IDUA: variants seen among roughly 807,000 people sequenced by gnomAD.
IDUA encodes the protein alpha-L-iduronidase.
Under a neutral mutation model 68.9 loss-of-function variants are expected in IDUA, and 65 were observed. That is an observed-to-expected ratio of 0.94 (90% CI 0.77 to 1.16). IDUA has a LOEUF of 1.16. Ranked by LOEUF, IDUA falls within the 50% of genes most tolerant of loss-of-function variation. The pLI is 0.00. For missense variants in IDUA, 1,046 were observed against 938.0 expected (o/e 1.12, Z -1.50); for synonymous variants, 529 against 433.6 (o/e 1.22, Z -2.73).
At chr4:1,003,192 G>A (rs1392140385) in intron 10 of IDUA, 35 bp downstream of exon 10, 2 of 1,312,812 alleles carry the variant, frequency 1.5e-6, no homozygotes, top group Non-Finnish European at 1.9e-6. Flanking sequence ...GGGCCGGGCC[G>A]GGCCGGGGTC....
At chr4:988,574 G>A (rs887304092) in intron 2 of IDUA, 10 of 1,326,878 alleles carry the variant, frequency 7.5e-6, no homozygotes, top group African/African-American at 7.5e-5. Context: ...GCTGAGGGAC[G>A]GTGCATTGGG....
chr4:992,575 G>GTTTTTT, intron 2 of IDUA: 1 of 216,026 alleles, frequency 4.6e-6, no homozygotes, highest in Non-Finnish European at 9.4e-6. Flanking sequence ...TGCCCAGACA[G>GTTTTTT]TTCTGGGACG....
intron 8 of IDUA, 31 bp downstream of exon 8, chr4:1,002,516 A>G (rs769145066): frequency 1.4e-6 from 2 of 1,465,632 alleles, no homozygotes; most frequent in Admixed American, 2.4e-5. Flanking sequence ...TGGGCCGGCC[A>G]GGGCCCTCCA....
Position 1,004,445 on chromosome 4 carries a change from G to A in IDUA, c.*52G>A. On this transcript the variant is annotated 3_prime_UTR_variant, in exon 14 of 14. Coordinates refer to ENST00000514224, the MANE Select transcript of IDUA (RefSeq NM_000203.5). The surrounding 1 kb of genome is among the most constrained non-coding windows in gnomAD (Gnocchi z 5.0). ...ACCTCCACCGGCAGTCAGCGAGCTG[G>A]GGCTGCACTGTGCCCATGCTGCCCT... is the stretch of plus-strand genomic sequence containing the variant. The A allele has an allele frequency of 3.8e-6, 6 of 1,592,950 alleles. No homozygotes were observed. The highest frequency in any genetic ancestry group is 5.1e-6 in the Non-Finnish European group (6 of 1,169,468).
At chr4:1,000,388 T>C (rs1715000602) in intron 2 of IDUA, among the ~76,000 whole-genome samples, 1 of 152,180 alleles carries the variant, frequency 6.6e-6, no homozygotes, top group Non-Finnish European at 1.5e-5. Context: ...GTTTTCCATC[T>C]CTTGATGGTG....
Position 993,573 on chromosome 4 carries a change from C to T in IDUA, c.299+5624C>T, listed in dbSNP as rs1419730025. 2.6e-5 allele frequency: 4 copies of T among 152,390 alleles called. No individual in the cohort carries two copies. The East Asian group carries it at 5.8e-4, about 22-fold the overall frequency. 9.4% of individuals were successfully genotyped at this position (152,390 alleles called of 1,614,324 possible). A position where few individuals can be genotyped will look rare whatever the true frequency, so the allele number is the denominator to read the frequency against. ...CTTGTAGGAGTTAGAGCTGTGTGGG[C>T]CTCTGAGGAGCTCCCAGCCTCCCAG... is the stretch of plus-strand genomic sequence containing the variant. On this transcript the variant is annotated intron_variant, in intron 2 of 13. Coordinates refer to ENST00000514224, the MANE Select transcript of IDUA (RefSeq NM_000203.5).
intron 2 of IDUA, among the ~76,000 whole-genome samples, chr4:998,089 C>T (rs1714852082): frequency 6.6e-6 from 1 of 152,190 alleles, no homozygotes; most frequent in African/African-American, 2.4e-5. Context: ...TTAAGTTATA[C>T]TTCTTTGCTA....
At chr4:998,532 C>T (rs947062693) in intron 2 of IDUA, among the ~76,000 whole-genome samples, 4 of 152,194 alleles carry the variant, frequency 2.6e-5, no homozygotes, top group African/African-American at 4.8e-5. Flanking sequence ...AGCCCTCAGA[C>T]CCTGGCCAGC....
intron 4 of IDUA, 195 bp from the exon 5 acceptor site, chr4:1,001,268 GCACCC>G (rs1715056430): frequency 1.2e-5 from 7 of 597,886 alleles, no homozygotes; most frequent in East Asian, 2.8e-5. Context: ...CACCCAGGCC[GCACCC>G]CTATCACCCA....
intron 2 of IDUA, chr4:988,983 A>G: frequency 6.3e-7 from 1 of 1,594,834 alleles, no homozygotes; most frequent in Non-Finnish European, 8.5e-7. Flanking sequence ...TGTCTCTCAC[A>G]GGCGGGCTGC....
intron 2 of IDUA, among the ~76,000 whole-genome samples, chr4:999,204 CAAAAAAAAA>C (rs56098003): frequency 7.8e-6 from 1 of 128,690 alleles, no homozygotes; most frequent in African/African-American, 2.8e-5. Context: ...GACTCTGTCT[CAAAAAAAAA>C]AAAAAGAAAA....
At chr4:1,003,713 A>G in intron 12 of IDUA, 88 bp downstream of exon 12, 1 of 1,461,324 alleles carries the variant, frequency 6.8e-7, no homozygotes, top group Non-Finnish European at 9.5e-7. Flanking sequence ...CACTCGGGCC[A>G]CTTGCCGTGG....
rs1394053061 is a variant in IDUA, at chr4:1,003,469, A to T, written c.1649A>T (p.Gln550Leu). ...GCGCGCCCCGAGAAGCCGCCCGGGC[A>T]GGCAAGTGGCAGTCCCCTAACCCGC... ...VCARPEKPPG[Q>L]VTRLRALPLT... Residue 550 changes from glutamine to leucine, a missense_variant and splice_region_variant, in exon 11 of 14, where the codon CAG (glutamine) becomes CTG (leucine). Transcript: ENST00000514224. The T allele has an allele frequency of 1.3e-6, 2 of 1,569,148 alleles. No individual in the cohort carries two copies. Among genetic ancestry groups the T allele is most frequent in the East Asian group, 4.6e-5 (2 of 43,114 alleles).
chr4:996,679 G>C (rs936169952), intron 2 of IDUA, among the ~76,000 whole-genome samples: 17 of 152,218 alleles, frequency 1.1e-4, no homozygotes, highest in Admixed American at 7.2e-4. Flanking sequence ...AGTAGGTGAG[G>C]TCATCACTGC....
At chr4:987,375 C>A (rs577464111) in intron 1 of IDUA, 133 bp downstream of exon 1, 9 of 960,930 alleles carry the variant, frequency 9.4e-6, no homozygotes, top group Admixed American at 9.0e-5. Context: ...GGCCCGCCCC[C>A]CGCCGTGTTT....
Position 1,000,715 on chromosome 4 carries a change from C to T in IDUA, c.385+18C>T. 6.3e-7 allele frequency: 1 copy of T among 1,583,890 alleles called. No individual in the cohort carries two copies. The highest frequency in any genetic ancestry group is 8.7e-7 in the Non-Finnish European group (1 of 1,154,426). On this transcript the variant is annotated intron_variant, in intron 3 of 13. Transcript: ENST00000514224. Reference sequence around the variant, plus strand: ...CCTCCCAGGTGAGCTGTGGGCTCTGCCCTCCCAGCCCGCCTGCACCCCCTT... The same window carrying T: ...CCTCCCAGGTGAGCTGTGGGCTCTGTCCTCCCAGCCCGCCTGCACCCCCTT...
Position 1,004,530 on chromosome 4 carries a change from C to G in IDUA, c.*137C>G. The G allele has an allele frequency of 1.1e-6, 1 of 902,616 alleles. No individual in the cohort carries two copies. The highest frequency in any genetic ancestry group is 1.6e-6 in the Non-Finnish European group (1 of 611,686). The allele number at this position is 902,616 out of a possible 1,614,324, so 55.9% of individuals were successfully genotyped here. ...TATTATTTTCTTTTATATCTTGGTA[C>G]CAACGCCCCCTTTAAAGCGGCTTTG... is the stretch of plus-strand genomic sequence containing the variant. On this transcript the variant is annotated 3_prime_UTR_variant, in exon 14 of 14. Transcript: ENST00000514224. The surrounding 1 kb of genome is among the most constrained non-coding windows in gnomAD (Gnocchi z 5.0).
rs1277541705 is a variant in IDUA at position 989,684 on chromosome 4, T to G, written c.299+1735T>G. On this transcript the variant is annotated intron_variant, in intron 2 of 13. Coordinates refer to ENST00000514224, the MANE Select transcript of IDUA (RefSeq NM_000203.5). ...AGCACCAGCAGCACCACGGTGGCGCTGACCACGCTGGACAGCTGTGTCCGG... is the reference window on the plus strand; with the variant it reads ...AGCACCAGCAGCACCACGGTGGCGCGGACCACGCTGGACAGCTGTGTCCGG... The G allele has an allele frequency of 6.4e-7, 1 of 1,565,832 alleles. No homozygotes were observed. Among genetic ancestry groups the G allele is most frequent in the East Asian group, 2.4e-5 (1 of 42,448 alleles).
chr4:1,001,378 G>C, intron 4 of IDUA, 90 bp from the exon 5 acceptor site: 2 of 1,074,246 alleles, frequency 1.9e-6, no homozygotes, highest in Non-Finnish European at 2.9e-6. Context: ...TCTTGAGTCA[G>C]ACGCCCTTCA....
Sources: gnomAD v4.1 joint callset for allele counts (sites outside exome capture counted in the v4.1 genomes callset) on GRCh38, gnomAD v4.1.1 for gene constraint, Gnocchi (gnomAD v3.1) non-coding constraint, MANE v1.5 for transcripts, NCBI Gene and HGNC (gene_info 2026-07-23, HGNC 2026-07-21) for gene names.